METTL21A: variants seen among roughly 807,000 people sequenced by gnomAD.
METTL21A encodes the protein protein N-lysine methyltransferase METTL21A.
A neutral mutation model predicts 20.9 loss-of-function variants in METTL21A; 22 were observed. That is an observed-to-expected ratio of 1.05 (90% CI 0.75 to 1.50). The LOEUF is 1.50. METTL21A is among the 40% of genes most tolerant of loss of function. The pLI is 0.00. For missense variants in METTL21A, 271 were observed against 266.8 expected (o/e 1.02, Z -0.11); for synonymous variants, 93 against 102.0 (o/e 0.91, Z 0.53).
intron 3 of METTL21A, chr2:207,600,596 G>A (rs2086882458): frequency 9.4e-6 from 2 of 212,432 alleles, no homozygotes; most frequent in Admixed American, 5.9e-5. Flanking sequence ...GCTTTTTAAA[G>A]GAACCACTGA....
intron 1 of METTL21A, chr2:207,624,612 GAAGA>G (rs1257374698): frequency 3.9e-4 from 159 of 412,396 alleles, no homozygotes; most frequent in Non-Finnish European, 5.5e-4. Context: ...TGTGTTTGGG[GAAGA>G]AGAAAAAAAA....
intron 3 of METTL21A, chr2:207,597,133 ATTT>A: frequency 7.0e-7 from 1 of 1,430,892 alleles, no homozygotes; most frequent in South Asian, 1.4e-5. Flanking sequence ...CAAAATAAAC[ATTT>A]TATTTTCTAA....
chr2:207,620,049 GT>G (rs2090297878), intron 3 of METTL21A, among the ~76,000 whole-genome samples: 3 of 152,314 alleles, frequency 2.0e-5, no homozygotes, highest in South Asian at 4.1e-4. Context: ...AGCCAAGAAA[GT>G]TTTGCATGAA....
chr2:207,585,481 G>T (rs1342573582), intron 3 of METTL21A, among the ~76,000 whole-genome samples: 1 of 152,176 alleles, frequency 6.6e-6, no homozygotes, highest in African/African-American at 2.4e-5. Context: ...TAAAGCAGCA[G>T]TTGCACAGAT....
At chr2:207,618,752 C>T (rs556186160) in intron 3 of METTL21A, among the ~76,000 whole-genome samples, 34 of 150,176 alleles carry the variant, frequency 2.3e-4, no homozygotes, top group African/African-American at 7.7e-4. Context: ...TGGTCTCTCT[C>T]TCTCTCTAAA....
In METTL21A at chr2:207,591,624, G is replaced by T; in HGVS notation, c.260-9464C>A. 1.3e-5 allele frequency among the ~76,000 whole-genome samples: 2 copies of T among 152,098 alleles called. 1 individual carries two copies. Among genetic ancestry groups the T allele is most frequent in the Non-Finnish European group, 2.9e-5 (2 of 68,016 alleles). On this transcript the variant is annotated intron_variant, in intron 3 of 3. Transcript: ENST00000425132. ...ATTTTTGTATTTTTAGTAGAGACGG[G>T]GTTTCGCCATGTTGGCCAGGCTGGT... is the stretch of plus-strand genomic sequence containing the variant.
chr2:207,601,689 T>C, intron 3 of METTL21A: 1 of 213,576 alleles, frequency 4.7e-6, no homozygotes, highest in Non-Finnish European at 9.5e-6. Flanking sequence ...CCACATGTAA[T>C]ATACTGAAAT....
chr2:207,621,516 G>A (rs571023417), intron 3 of METTL21A, among the ~76,000 whole-genome samples: 11 of 152,262 alleles, frequency 7.2e-5, no homozygotes, highest in East Asian at 1.9e-4. Context: ...CTTTAAGATC[G>A]TATTATTGGC....
At chr2:207,589,336 G>GTGTTA (rs1323392080) in intron 3 of METTL21A, among the ~76,000 whole-genome samples, 1 of 152,090 alleles carries the variant, frequency 6.6e-6, no homozygotes, top group Non-Finnish European at 1.5e-5. Context: ...CTTCAACATA[G>GTGTTA]TGTTATCTCT....
At chr2:207,597,858 G>A (rs1417724672) in intron 3 of METTL21A, 2 of 191,252 alleles carry the variant, frequency 1.0e-5, no homozygotes, top group Non-Finnish European at 2.2e-5. Flanking sequence ...GCATATTTTA[G>A]TTAGTACTAA....
chr2:207,621,881 C>A, exon 3 of METTL21A: 1 of 1,614,186 alleles, frequency 6.2e-7, no homozygotes, highest in Non-Finnish European at 8.5e-7. Flanking sequence ...CTGAGCTCCA[C>A]AGCTCCCATC....
chr2:207,603,886 A>C (rs1237134494), intron 3 of METTL21A, among the ~76,000 whole-genome samples: 1 of 152,226 alleles, frequency 6.6e-6, no homozygotes, highest in Admixed American at 6.5e-5. Flanking sequence ...TAACTTCTGA[A>C]ATAAGTTCTG....
At chr2:207,602,661 T>C (rs2087286394) in intron 3 of METTL21A, 1 of 210,720 alleles carries the variant, frequency 4.7e-6, no homozygotes, top group African/African-American at 2.3e-5. Flanking sequence ...TGGGAGGTTT[T>C]ATTTTCTTAT....
chr2:207,588,091 TAAAAA>T (rs1574961560), intron 3 of METTL21A, among the ~76,000 whole-genome samples: 1 of 151,736 alleles, frequency 6.6e-6, no homozygotes, highest in African/African-American at 2.4e-5. Flanking sequence ...CAACTAAAAA[TAAAAA>T]GGAAAAAAGA....
At chr2:207,615,995 C>A (rs981134718) in intron 3 of METTL21A, among the ~76,000 whole-genome samples, 1 of 151,910 alleles carries the variant, frequency 6.6e-6, no homozygotes, top group African/African-American at 2.4e-5. Context: ...GCAATCCACC[C>A]GTCTTGGCCT....
chr2:207,621,890 T>C (rs1189666916), exon 3 of METTL21A: 2 of 1,613,908 alleles, frequency 1.2e-6, no homozygotes, highest in East Asian at 2.2e-5. Context: ...ACAGCTCCCA[T>C]CTCCAGGTAT....
chr2:207,600,769 ATC>A (rs1247179324), intron 3 of METTL21A: 3 of 209,814 alleles, frequency 1.4e-5, no homozygotes, highest in Non-Finnish European at 2.9e-5. Flanking sequence ...GCTGAAGTTT[ATC>A]TCTGTCTCTC....
intron 3 of METTL21A, among the ~76,000 whole-genome samples, chr2:207,616,904 A>T (rs752194825): frequency 3.3e-5 from 5 of 152,214 alleles, no homozygotes; most frequent in Non-Finnish European, 5.9e-5. Flanking sequence ...TCAGCCACAG[A>T]GGCACAGACC....
chr2:207,593,080 G>A (rs2085394713), intron 3 of METTL21A, among the ~76,000 whole-genome samples: 1 of 152,136 alleles, frequency 6.6e-6, no homozygotes, highest in African/African-American at 2.4e-5. Flanking sequence ...AGCTGTGTCA[G>A]TTTTACTTAC....
Sources: allele counts gnomAD v4.1 joint callset (sites outside exome capture counted in the v4.1 genomes callset), GRCh38; gene constraint gnomAD v4.1.1; transcripts MANE v1.5; gene names NCBI Gene and HGNC (gene_info 2026-07-23, HGNC 2026-07-21).